The following COLEC10 variants were observed in gnomAD, a reference collection of about 807,000 sequenced individuals.
COLEC10 encodes collectin-10.
Under a neutral mutation model 28.4 loss-of-function variants are expected in COLEC10, and 22 were observed. That is an observed-to-expected ratio of 0.78 (90% CI 0.55 to 1.11). COLEC10 has a LOEUF of 1.11. Among genes scored for constraint, COLEC10 ranks in the 50% least tolerant of loss-of-function variants. The probability of loss-of-function intolerance (pLI) is 0.00; values close to 1 mark genes in which losing one functional copy is unlikely to be tolerated. For synonymous variants in COLEC10, 125 were observed against 116.1 expected, an observed-to-expected ratio of 1.08 and a Z score of -0.49; for missense variants, 361 against 344.1, an observed-to-expected ratio of 1.05 and a Z score of -0.39.
chr8:119,071,931 A>G (rs1815132887), intron 1 of COLEC10, among the ~76,000 whole-genome samples: 1 of 152,204 alleles, frequency 6.6e-6, no homozygotes, highest in African/African-American at 2.4e-5. Context: ...ATGCTCCCAA[A>G]AAAGGACTAC....
chr8:119,092,912 A>T (rs7013461), intron 3 of COLEC10, among the ~76,000 whole-genome samples: 36,806 of 152,048 alleles, frequency 0.24, 4,747 homozygotes, highest in Admixed American at 0.32. Context: ...TCTCAAAGAA[A>T]AAAAAAAGAA....
At chr8:119,044,562 T>TGG (rs1814554783) in intron 2 of COLEC10, among the ~76,000 whole-genome samples, 1 of 151,812 alleles carries the variant, frequency 6.6e-6, no homozygotes, top group African/African-American at 2.4e-5. Flanking sequence ...AAAACATAAC[T>TGG]GGGCGGGCAT....
At chr8:119,001,085 T>A (rs1586990956) in intron 1 of COLEC10, among the ~76,000 whole-genome samples, 1 of 152,160 alleles carries the variant, frequency 6.6e-6, no homozygotes, top group Non-Finnish European at 1.5e-5. Context: ...AGGGGTGCAG[T>A]TGGCCTTTGG....
chr8:119,045,920 A>G (rs1258007783), intron 2 of COLEC10, among the ~76,000 whole-genome samples: 1 of 152,192 alleles, frequency 6.6e-6, no homozygotes, highest in Non-Finnish European at 1.5e-5. Flanking sequence ...TACAGAATAA[A>G]TCTACGGTCT....
At chr8:119,034,113 A>C (rs1008702653) in intron 2 of COLEC10, among the ~76,000 whole-genome samples, 2 of 152,142 alleles carry the variant, frequency 1.3e-5, no homozygotes, top group Non-Finnish European at 2.9e-5. Context: ...GAAGCTGGAA[A>C]CCATTATTCT....
intron 2 of COLEC10, among the ~76,000 whole-genome samples, chr8:119,054,469 A>G (rs1419105708): frequency 3.3e-5 from 5 of 152,110 alleles, no homozygotes; most frequent in Non-Finnish European, 7.4e-5. Context: ...TTCATTTAGG[A>G]AGCATGTAAG....
At chr8:118,973,434 G>A in the COLEC10 span, among the ~76,000 whole-genome samples, 5 of 151,846 alleles carry the variant, frequency 3.3e-5, no homozygotes, top group Admixed American at 2.0e-4. Context: ...CCTCAAAGGC[G>A]GTGGGCCCAA....
chr8:119,078,006 G>A (rs968482731), intron 1 of COLEC10, among the ~76,000 whole-genome samples: 4 of 152,060 alleles, frequency 2.6e-5, no homozygotes, highest in African/African-American at 9.7e-5. Context: ...AAGAAAGGAC[G>A]ATAGTGTCAC....
chr8:119,040,274 A>G (rs577081685), intron 2 of COLEC10, among the ~76,000 whole-genome samples: 1 of 152,292 alleles, frequency 6.6e-6, no homozygotes, highest in East Asian at 1.9e-4. Flanking sequence ...CTTTAATTTG[A>G]GTCTTAAATT....
At position 119,103,143 on chromosome 8, in the gene COLEC10, C is replaced by T. The variant is rs1230882054; in HGVS notation, c.347-657C>T. Among the ~76,000 whole-genome samples the T allele has an allele frequency of 3.3e-5, 5 of 152,180 alleles. No individual in the cohort carries two copies. In the South Asian group the frequency reaches 6.2e-4, roughly 19 times the overall value. ...ATTTTACATCGGTTTCCTTGTAATT[C>T]CCTCTCTGTCACAGCAATATTTGCA... is the stretch of plus-strand genomic sequence containing the variant. On this transcript the variant is annotated intron_variant, in intron 4 of 5. Transcript: ENST00000332843.
intron 1 of COLEC10, among the ~76,000 whole-genome samples, chr8:118,996,319 C>T (rs1813588459): frequency 6.6e-6 from 1 of 152,144 alleles, no homozygotes; most frequent in South Asian, 2.1e-4. Flanking sequence ...CTACAATAAA[C>T]ATGGGACGGC....
chr8:119,043,367 A>T (rs1814531201), intron 2 of COLEC10, among the ~76,000 whole-genome samples: 1 of 152,220 alleles, frequency 6.6e-6, no homozygotes, highest in Non-Finnish European at 1.5e-5. Context: ...TTGCCTAAAA[A>T]TTGAAGCTGA....
chr8:119,055,254 A>C (rs1436958254), intron 2 of COLEC10, among the ~76,000 whole-genome samples: 2 of 152,070 alleles, frequency 1.3e-5, no homozygotes, highest in East Asian at 3.9e-4. Flanking sequence ...AACCCTACTG[A>C]TTGAGGCTTC....
chr8:118,959,562 AT>A, the COLEC10 span, among the ~76,000 whole-genome samples: 27 of 152,230 alleles, frequency 1.8e-4, no homozygotes, highest in Non-Finnish European at 3.8e-4. Context: ...ATTAGCTCCT[AT>A]TTGCAATCAA....
Position 119,094,102 on chromosome 8 carries a change from A to G in COLEC10, c.292+2882A>G, listed in dbSNP as rs138022323. On this transcript the variant is annotated intron_variant, in intron 3 of 5. Coordinates refer to ENST00000332843, the MANE Select transcript of COLEC10 (RefSeq NM_006438.5). ...TCCAAGAATACTCCTACCACTTACT[A>G]TGTAGCTCTATCCAAAGCCAGGATG... is the stretch of plus-strand genomic sequence containing the variant. Among the ~76,000 whole-genome samples the G allele has an allele frequency of 8.3e-4, 126 of 152,264 alleles. 1 individual carries two copies. Among genetic ancestry groups the G allele is most frequent in the Non-Finnish European group, 1.2e-3 (79 of 68,016 alleles).
rs1815963026 is a variant in COLEC10 at position 119,107,068 on chromosome 8, A to T, written c.*877A>T. On this transcript the variant is annotated 3_prime_UTR_variant, in exon 6 of 6. Coordinates refer to ENST00000332843, the MANE Select transcript of COLEC10 (RefSeq NM_006438.5). ...TTTTATTTATCTTAGGTTTACCTGC[A>T]TCAATTTTATTCACCTTAGGCATAG... is the stretch of plus-strand genomic sequence containing the variant. Among the ~76,000 whole-genome samples the T allele has an allele frequency of 1.3e-5, 2 of 152,204 alleles. No individual in the cohort carries two copies. The highest frequency in any genetic ancestry group is 1.3e-4 in the Admixed American group (2 of 15,264).
Position 119,050,045 on chromosome 8 carries a change from A to G in COLEC10, n.236-39635A>G, listed in dbSNP as rs190205511. Among the ~76,000 whole-genome samples, 267 of 152,238 alleles carry G rather than the reference A, an allele frequency of 1.8e-3. 4 individuals are homozygous for G. Among genetic ancestry groups the G allele is most frequent in the Admixed American group, 0.015 (235 of 15,298 alleles). Reference sequence around the variant, plus strand: ...TTAGCCATGAAACCTTGGACAAGTCACCTAACTTCAAAGCAACTCTTTCCT... The same window carrying G: ...TTAGCCATGAAACCTTGGACAAGTCGCCTAACTTCAAAGCAACTCTTTCCT... On this transcript the variant is annotated intron_variant and non_coding_transcript_variant, in intron 2 of 6. Transcript: ENST00000521788.
chr8:118,963,956 A>G, the COLEC10 span, among the ~76,000 whole-genome samples: 2 of 152,192 alleles, frequency 1.3e-5, no homozygotes, highest in Non-Finnish European at 2.9e-5. Flanking sequence ...CATGTTGAAC[A>G]AACAGAAAGA....
chr8:119,049,798 A>C (rs1814646821), intron 2 of COLEC10, among the ~76,000 whole-genome samples: 1 of 152,194 alleles, frequency 6.6e-6, no homozygotes, highest in African/African-American at 2.4e-5. Context: ...TTTCACCTGC[A>C]AATGAATCAT....
Sources: allele counts gnomAD v4.1 joint callset (sites outside exome capture counted in the v4.1 genomes callset), GRCh38; gene constraint gnomAD v4.1.1; transcripts MANE v1.5; gene names NCBI Gene and HGNC (gene_info 2026-07-23, HGNC 2026-07-21).